Variants in CACNA2D3 observed in about 807,000 individuals in gnomAD.
CACNA2D3 encodes calcium voltage-gated channel auxiliary subunit alpha2delta 3.
In CACNA2D3, 60 loss-of-function variants were observed where a neutral mutation model predicts 160.6. The observed-to-expected ratio is 0.37, with a 90% CI of 0.30 to 0.46. The LOEUF (loss-of-function observed/expected upper bound fraction) is 0.46. Among genes scored for constraint, CACNA2D3 ranks in the 20% least tolerant of loss-of-function variants. The pLI is 1.00. For synonymous variants in CACNA2D3, 558 were observed against 492.9 expected (o/e 1.13, Z -1.75); for missense variants, 1,205 against 1,365.0 (o/e 0.88, Z 1.85).
chr3:54,519,197 C>G (rs78679369), intron 5 of CACNA2D3, among the ~76,000 whole-genome samples: 2 of 82,290 alleles, frequency 2.4e-5, no homozygotes, highest in African/African-American at 9.2e-5. Context: ...ATTTCACACT[C>G]GTGGAGTCAT....
intron 11 of CACNA2D3, among the ~76,000 whole-genome samples, chr3:54,687,145 T>TTTTTTTTTG (rs1559549506): frequency 1.1e-4 from 8 of 74,614 alleles, no homozygotes; most frequent in East Asian, 9.3e-4. Context: ...GTTTTTTTTT[T>TTTTTTTTTG]TTTTTGTTTT....
intron 13 of CACNA2D3, among the ~76,000 whole-genome samples, chr3:54,787,544 C>A (rs1702665070): frequency 6.6e-6 from 1 of 152,158 alleles, no homozygotes; most frequent in African/African-American, 2.4e-5. Flanking sequence ...AGGTTTATTT[C>A]ATATGCACAT....
At chr3:54,964,864 C>T (rs1009188405) in intron 27 of CACNA2D3, among the ~76,000 whole-genome samples, 3 of 151,512 alleles carry the variant, frequency 2.0e-5, no homozygotes, top group Non-Finnish European at 4.4e-5. Context: ...ATCATTTTCA[C>T]GCTCAAGAAA....
At chr3:54,951,705 G>A (rs1701762465) in intron 27 of CACNA2D3, among the ~76,000 whole-genome samples, 4 of 152,194 alleles carry the variant, frequency 2.6e-5, no homozygotes, top group African/African-American at 7.2e-5. Context: ...CTGAACCGCC[G>A]TGTACCTTTT....
intron 3 of CACNA2D3, among the ~76,000 whole-genome samples, chr3:54,326,963 G>A (rs1026463198): frequency 6.6e-6 from 1 of 152,072 alleles, no homozygotes; most frequent in African/African-American, 2.4e-5. Context: ...GGTAAACTGG[G>A]TCGCTTGCAA....
Position 54,503,575 on chromosome 3 carries a change from C to G in CACNA2D3, c.465C>G (p.Ala155=). The change falls in exon 5 of 38, where the codon GCC becomes GCG. Residue 155 remains alanine (A), a synonymous_variant. Transcript: ENST00000474759. ...FLELGKEFIL[A]PNDHFNNLPV... is the part of the protein sequence containing the mutation. The stretch of plus-strand genomic sequence containing the variant: ...AGCTGGGAAAGGAATTCATCTTAGC[C>G]CCAAATGACCATTTTAATAATTTGC... The G allele has an allele frequency of 6.2e-7, 1 of 1,613,450 alleles. No homozygotes were observed. Among genetic ancestry groups the G allele is most frequent in the Non-Finnish European group, 8.5e-7 (1 of 1,179,450 alleles).
intron 2 of CACNA2D3, among the ~76,000 whole-genome samples, chr3:54,139,512 G>T (rs1203901238): frequency 6.6e-6 from 1 of 152,228 alleles, no homozygotes. Flanking sequence ...TCTCCCAGGA[G>T]CCCTTGTACC....
chr3:54,595,321 T>TGTGGGG (rs373756731), intron 9 of CACNA2D3, among the ~76,000 whole-genome samples: 32 of 131,794 alleles, frequency 2.4e-4, no homozygotes, highest in African/African-American at 8.1e-4. Flanking sequence ...GTGGTGTGTG[T>TGTGGGG]GTGTGTGTGT....
chr3:54,816,264 A>G (rs553026371), intron 13 of CACNA2D3, among the ~76,000 whole-genome samples: 4 of 152,284 alleles, frequency 2.6e-5, no homozygotes, highest in African/African-American at 9.6e-5. Context: ...AAAAACAAGC[A>G]TTTTTCTAAC....
At chr3:55,025,421 C>T (rs1284320929) in intron 35 of CACNA2D3, among the ~76,000 whole-genome samples, 1 of 151,892 alleles carries the variant, frequency 6.6e-6, no homozygotes, top group South Asian at 2.1e-4. Flanking sequence ...CACTTGAGGT[C>T]AGGAGTTCGA....
chr3:54,567,510 T>G (rs6772468), intron 6 of CACNA2D3, among the ~76,000 whole-genome samples: 24 of 99,598 alleles, frequency 2.4e-4, no homozygotes, highest in East Asian at 5.5e-4. Context: ...GAGGTGGTTT[T>G]TTGTTTGTTG....
chr3:54,307,019 C>T (rs1703618169), intron 2 of CACNA2D3, among the ~76,000 whole-genome samples: 1 of 152,082 alleles, frequency 6.6e-6, no homozygotes, highest in African/African-American at 2.4e-5. Context: ...TGGCTGACTT[C>T]TTAGGATGGG....
At chr3:54,596,217 C>T (rs1314418041) in intron 9 of CACNA2D3, among the ~76,000 whole-genome samples, 1 of 152,114 alleles carries the variant, frequency 6.6e-6, no homozygotes, top group Non-Finnish European at 1.5e-5. Flanking sequence ...CCCCGCCCCC[C>T]ATATCTAGTC....
At chr3:55,031,605 GC>G (rs1456405981) in intron 35 of CACNA2D3, among the ~76,000 whole-genome samples, 2 of 152,006 alleles carry the variant, frequency 1.3e-5, no homozygotes, top group Non-Finnish European at 2.9e-5. Context: ...TTTAGTAACC[GC>G]CCACCTTTTG....
At chr3:54,759,620 C>A (rs1702044014) in intron 12 of CACNA2D3, among the ~76,000 whole-genome samples, 1 of 152,124 alleles carries the variant, frequency 6.6e-6, no homozygotes, top group Admixed American at 6.5e-5. Flanking sequence ...ACATCTGCAT[C>A]CCTGGTCTAC....
chr3:54,278,753 A>T (rs575779235), intron 2 of CACNA2D3, among the ~76,000 whole-genome samples: 1 of 151,972 alleles, frequency 6.6e-6, no homozygotes. Flanking sequence ...CAAACACCGC[A>T]TGTTCTCACT....
At chr3:54,484,814 G>A (rs1163689262) in intron 4 of CACNA2D3, among the ~76,000 whole-genome samples, 1 of 151,224 alleles carries the variant, frequency 6.6e-6, no homozygotes, top group Non-Finnish European at 1.5e-5. Context: ...GAGTATGAGA[G>A]TTCCTTTGAA....
chr3:54,909,354 G>A (rs1436938544), intron 27 of CACNA2D3, among the ~76,000 whole-genome samples: 2 of 151,904 alleles, frequency 1.3e-5, no homozygotes, highest in East Asian at 1.9e-4. Flanking sequence ...AGAGATTTGG[G>A]GATTTATTTA....
intron 26 of CACNA2D3, among the ~76,000 whole-genome samples, chr3:54,897,156 T>G (rs954362412): frequency 6.6e-6 from 1 of 152,234 alleles, no homozygotes; most frequent in African/African-American, 2.4e-5. Context: ...TCAGTCAGTT[T>G]TTTTAAATGT....
Sources: gnomAD v4.1 joint callset for allele counts (sites outside exome capture counted in the v4.1 genomes callset) on GRCh38, gnomAD v4.1.1 for gene constraint, MANE v1.5 for transcripts, NCBI Gene and HGNC (gene_info 2026-07-23, HGNC 2026-07-21) for gene names.